Variants in RNF17 observed in about 807,000 individuals in gnomAD.
RNF17 encodes the protein spermatogenesis associated 23.
RNF17 carries 31 observed loss-of-function variants against 200.5 expected under a neutral mutation model. The ratio of observed to expected loss-of-function variants is 0.15; its 90% CI spans 0.12 to 0.21. The LOEUF is 0.21. Among genes scored for constraint, RNF17 ranks in the 10% least tolerant of loss-of-function variants. The probability of loss-of-function intolerance (pLI) is 1.00; values close to 1 mark genes in which losing one functional copy is unlikely to be tolerated. For missense variants in RNF17, 1,628 were observed against 1,905.1 expected (o/e 0.85, Z 2.71); for synonymous variants, 606 against 637.8 (o/e 0.95, Z 0.75).
chr13:24,799,698 T>G, intron 12 of RNF17, 114 bp downstream of exon 12: 1 of 644,902 alleles, frequency 1.6e-6, no homozygotes, highest in East Asian at 2.8e-5. Flanking sequence ...CATTCTTAAC[T>G]TCCAAGACAT....
chr13:24,780,888 A>G (rs553543414), intron 5 of RNF17, among the ~76,000 whole-genome samples: 5 of 152,252 alleles, frequency 3.3e-5, no homozygotes, highest in African/African-American at 1.2e-4. Context: ...TTTCCAAAAA[A>G]AAAAATTAAA....
At chr13:24,812,846 T>A (rs1396797025) in intron 15 of RNF17, among the ~76,000 whole-genome samples, 1 of 152,022 alleles carries the variant, frequency 6.6e-6, no homozygotes, top group African/African-American at 2.4e-5. Context: ...CACGCCTGGC[T>A]AATTTTTTGT....
the RNF17 span, among the ~76,000 whole-genome samples, chr13:24,757,197 A>C: frequency 3.1e-5 from 1 of 31,984 alleles, no homozygotes; most frequent in Non-Finnish European, 8.5e-5. Flanking sequence ...TAAAAGAGAT[A>C]CAGAACAGTC....
At chr13:24,748,198 G>C in the RNF17 span, among the ~76,000 whole-genome samples, 19 of 152,228 alleles carry the variant, frequency 1.2e-4, no homozygotes, top group Admixed American at 1.1e-3. Flanking sequence ...TTGAGTTATC[G>C]TGACACCCTG....
chr13:24,809,838 G>T (rs1593308178), intron 15 of RNF17, among the ~76,000 whole-genome samples: 1 of 151,896 alleles, frequency 6.6e-6, no homozygotes, highest in Non-Finnish European at 1.5e-5. Context: ...CTGGTATGTT[G>T]TGTCTTTGTT....
At position 24,852,767 on chromosome 13, in the gene RNF17, C is replaced by T. The variant is rs185722974; in HGVS notation, c.3321-1088C>T. On this transcript the variant is annotated intron_variant, in intron 24 of 35. Transcript: ENST00000255324. ...GAAAATGCTAGGCAAGTTAATACTA[C>T]TGACATTGTCTGCTACCAGTTGTAA... is the stretch of plus-strand genomic sequence containing the variant. 4.9e-3 allele frequency among the ~76,000 whole-genome samples: 748 copies of T among 152,316 alleles called. 6 individuals are homozygous for T. Among genetic ancestry groups the T allele is most frequent in the Non-Finnish European group, 6.7e-3 (458 of 68,028 alleles).
intron 13 of RNF17, among the ~76,000 whole-genome samples, chr13:24,801,423 G>A (rs922005865): frequency 6.6e-6 from 1 of 152,048 alleles, no homozygotes; most frequent in Admixed American, 6.6e-5. Context: ...TGGGAGGACC[G>A]CTTCGGCTCA....
intron 15 of RNF17, among the ~76,000 whole-genome samples, chr13:24,816,411 G>A (rs1332600036): frequency 1.3e-5 from 2 of 152,048 alleles, no homozygotes; most frequent in Non-Finnish European, 2.9e-5. Flanking sequence ...TGCAGTGTGG[G>A]TCACTTGTTC....
At chr13:24,837,499 C>T (rs1357655850) in intron 18 of RNF17, among the ~76,000 whole-genome samples, 2 of 152,158 alleles carry the variant, frequency 1.3e-5, no homozygotes, top group Non-Finnish European at 2.9e-5. Flanking sequence ...ATCAAGCACT[C>T]TCTCAGACCA....
chr13:24,885,498 A>G, the RNF17 span: 15 of 1,172,726 alleles, frequency 1.3e-5, no homozygotes, highest in Non-Finnish European at 5.1e-6. Context: ...TATAATGTTA[A>G]GTAAAAACTC....
chr13:24,884,322 C>T, downstream of RNF17: 3 of 1,614,130 alleles, frequency 1.9e-6, no homozygotes, highest in Non-Finnish European at 2.5e-6. Context: ...TGGAAACATA[C>T]CACTCTTTGG....
In RNF17 at chr13:24,788,731, C is replaced by G. The variant is rs1179338722; in HGVS notation, c.783+572C>G. On this transcript the variant is annotated intron_variant, in intron 7 of 35. Transcript: ENST00000255324. ...AAAACAAAAGTTTCTTATACTTTGA[C>G]AGGACAAGATTAATCACAGATCTTT... 3.3e-5 allele frequency among the ~76,000 whole-genome samples: 5 copies of G among 152,114 alleles called. No individual in the cohort carries two copies. In the East Asian group the frequency reaches 9.6e-4, roughly 29 times the overall value.
At position 24,793,141 on chromosome 13, in the gene RNF17, G is replaced by T. The variant is rs1311168332; in HGVS notation, c.1035G>T (p.Lys345Asn). Reference protein sequence around the residue: ...SCYDTYPPLEKKKVDMSVLTS... With the variant: ...SCYDTYPPLENKKVDMSVLTS... ...ACGATACATACCCACCGCTAGAAAA[G>T]AAAAAGGTTGACATGTCTGTCCTAA... Residue 345 changes from lysine to asparagine, a missense_variant, in exon 10 of 36, where the codon AAG (lysine) becomes AAT (asparagine). Lys to Asn is a moderately conservative substitution (Grantham distance 94). Around this residue, in one of 5 missense-constraint regions of RNF17, gnomAD observed 502 missense variants for 501.7 expected, o/e 1.00. Coordinates refer to ENST00000255324, the MANE Select transcript of RNF17 (RefSeq NM_031277.3). The T allele has an allele frequency of 6.2e-7, 1 of 1,613,910 alleles. No individual in the cohort carries two copies. Among genetic ancestry groups the T allele is most frequent in the Non-Finnish European group, 8.5e-7 (1 of 1,179,884 alleles).
chr13:24,813,869 C>T (rs1305355573), intron 15 of RNF17, among the ~76,000 whole-genome samples: 1 of 128,812 alleles, frequency 7.8e-6, no homozygotes, highest in South Asian at 2.6e-4. Flanking sequence ...GCTGTGTTGC[C>T]CAGGTTGGTT....
chr13:24,780,953 T>C lies in RNF17; in HGVS notation c.511-891T>C, dbSNP rs150345228. Among the ~76,000 whole-genome samples the C allele has an allele frequency of 6.6e-5, 10 of 152,252 alleles. No individual in the cohort carries two copies. The East Asian group carries it at 1.5e-3, about 23-fold the overall frequency. On this transcript the variant is annotated intron_variant, in intron 5 of 35. Transcript: ENST00000255324. ...AAGTTAGGTATGGGTGAAGACTCGA[T>C]ATACGATTCATCCTAGGGCAAAATT... is the stretch of plus-strand genomic sequence containing the variant.
chr13:24,790,086 AC>A (rs534626783), intron 9 of RNF17, among the ~76,000 whole-genome samples: 3 of 152,128 alleles, frequency 2.0e-5, no homozygotes, highest in Non-Finnish European at 4.4e-5. Flanking sequence ...GGACATGCAA[AC>A]AATAAAATGC....
intron 15 of RNF17, among the ~76,000 whole-genome samples, chr13:24,811,857 T>A (rs1323844589): frequency 1.3e-5 from 2 of 152,086 alleles, no homozygotes; most frequent in Non-Finnish European, 2.9e-5. Flanking sequence ...TTTTCCTTCA[T>A]ACAGACAGGA....
At chr13:24,754,355 G>T in the RNF17 span, among the ~76,000 whole-genome samples, 7 of 152,020 alleles carry the variant, frequency 4.6e-5, no homozygotes, top group Non-Finnish European at 1.0e-4. Flanking sequence ...AGACATACAG[G>T]CCAGGTCTCA....
intron 15 of RNF17, among the ~76,000 whole-genome samples, chr13:24,814,593 C>G (rs534682503): frequency 1.1e-4 from 17 of 152,256 alleles, no homozygotes; most frequent in African/African-American, 3.9e-4. Context: ...ATTGGATATT[C>G]AGTTTTTCCA....
Sources: allele counts gnomAD v4.1 joint callset (sites outside exome capture counted in the v4.1 genomes callset), GRCh38; gene constraint gnomAD v4.1.1; regional missense constraint gnomAD v4.1.1; transcripts MANE v1.5; gene names NCBI Gene and HGNC (gene_info 2026-07-23, HGNC 2026-07-21).